The following CSNK1G1 variants were observed in gnomAD, a reference collection of about 807,000 sequenced individuals.
CSNK1G1 encodes the protein casein kinase 1 gamma 1.
A neutral mutation model predicts 59.6 loss-of-function variants in CSNK1G1; 22 were observed. The observed-to-expected ratio is 0.37, with a 90% confidence interval of 0.26 to 0.53. The LOEUF is 0.53. Among genes scored for constraint, CSNK1G1 ranks in the 20% least tolerant of loss-of-function variants. The pLI, the probability that CSNK1G1 is intolerant of heterozygous loss-of-function variation, is 0.89. For missense variants in CSNK1G1, 384 were observed against 519.5 expected (o/e 0.74, Z 2.54); for synonymous variants, 179 against 177.1 (o/e 1.01, Z -0.08).
chr15:64,207,679 C>T, intron 6 of CSNK1G1, 85 bp from the exon 7 acceptor site: 2 of 998,240 alleles, frequency 2.0e-6, no homozygotes, highest in Non-Finnish European at 1.6e-6. Context: ...TTCAGAAACC[C>T]TTCGGCTCTG....
chr15:64,302,629 T>C (rs141731413), intron 1 of CSNK1G1, among the ~76,000 whole-genome samples: 76 of 152,308 alleles, frequency 5.0e-4, no homozygotes, highest in Admixed American at 1.5e-3. Flanking sequence ...TCCTTGTCTT[T>C]TGCCTAAATC....
At chr15:64,298,679 C>A (rs183690367) in intron 2 of CSNK1G1, among the ~76,000 whole-genome samples, 1 of 152,246 alleles carries the variant, frequency 6.6e-6, no homozygotes, top group Admixed American at 6.5e-5. Context: ...TTCTCCAAGG[C>A]TCTCTATGGG....
At chr15:64,177,851 G>A (rs2081759391) in intron 11 of CSNK1G1, among the ~76,000 whole-genome samples, 1 of 152,156 alleles carries the variant, frequency 6.6e-6, no homozygotes, top group Non-Finnish European at 1.5e-5. Context: ...TTTGATTACT[G>A]CATTCAAAGT....
intron 4 of CSNK1G1, among the ~76,000 whole-genome samples, chr15:64,250,142 G>C (rs930844173): frequency 6.6e-6 from 1 of 152,126 alleles, no homozygotes; most frequent in Non-Finnish European, 1.5e-5. Context: ...ATGTAGTCCT[G>C]GGGCATGTGG....
chr15:64,220,410 T>C (rs1044538419), intron 4 of CSNK1G1, among the ~76,000 whole-genome samples: 2 of 151,994 alleles, frequency 1.3e-5, no homozygotes, highest in Non-Finnish European at 2.9e-5. Flanking sequence ...CTTCTAATTG[T>C]TGCAAATAGC....
intron 3 of CSNK1G1, among the ~76,000 whole-genome samples, chr15:64,257,545 G>A (rs1281462341): frequency 6.6e-6 from 1 of 151,962 alleles, no homozygotes. Context: ...TTGAGACAGG[G>A]TATCACTCTG....
chr15:64,325,428 T>A (rs755666720), intron 1 of CSNK1G1, among the ~76,000 whole-genome samples: 1 of 152,188 alleles, frequency 6.6e-6, no homozygotes, highest in Non-Finnish European at 1.5e-5. Flanking sequence ...AATGCACATA[T>A]CCTGATAGCT....
At chr15:64,322,283 T>C (rs1421190912) in intron 1 of CSNK1G1, among the ~76,000 whole-genome samples, 3 of 152,166 alleles carry the variant, frequency 2.0e-5, no homozygotes, top group African/African-American at 7.2e-5. Context: ...GTTAAACCTT[T>C]TTCCTTTGAA....
chr15:64,204,514 G>A lies in CSNK1G1; in HGVS notation c.926C>T (p.Thr309Ile), dbSNP rs2082151751. Residue 309 changes from threonine (T) to isoleucine (I), a missense_variant, in exon 9 of 12, where the codon ACC (threonine) becomes ATC (isoleucine). By Grantham distance (89) the Thr-to-Ile change is moderately conservative (BLOSUM62 -1). Coordinates refer to ENST00000303052, the MANE Select transcript of CSNK1G1 (RefSeq NM_022048.5). ...CTTTTCAAAGAGGTCTGTGAAGAGG[G>A]TCCGTAAATACTCATAATCAGGTTT... ...FEKPDYEYLR[T>I]LFTDLFEKKG... 1.2e-6 allele frequency: 2 copies of A among 1,613,616 alleles called. No homozygotes were observed. Among genetic ancestry groups the A allele is most frequent in the African/African-American group, 2.7e-5 (2 of 74,890 alleles).
At position 64,337,882 on chromosome 15, in the gene CSNK1G1, A is replaced by G. The variant is rs562260551; in HGVS notation, c.-225+18106T>C. On this transcript the variant is annotated intron_variant, in intron 1 of 11. Transcript: ENST00000303052. ...AATTTGTCTATCCTAGGTAGCTCAT[A>G]AGTGAAATCATGCAATATTTGTCCT... Among the ~76,000 whole-genome samples the G allele has an allele frequency of 2.6e-5, 4 of 152,306 alleles. No homozygotes were observed. The East Asian group carries it at 7.7e-4, about 29-fold the overall frequency.
intron 1 of CSNK1G1, among the ~76,000 whole-genome samples, chr15:64,311,162 C>T (rs757568155): frequency 5.9e-5 from 9 of 152,028 alleles, no homozygotes; most frequent in Non-Finnish European, 8.8e-5. Context: ...TCTCCTGCCT[C>T]AGCCTCCCAA....
At chr15:64,349,041 GC>G (rs1319525500) in intron 1 of CSNK1G1, among the ~76,000 whole-genome samples, 1 of 151,100 alleles carries the variant, frequency 6.6e-6, no homozygotes, top group Non-Finnish European at 1.5e-5. Flanking sequence ...GGAGTCTGAG[GC>G]AAGAGAATTG....
intron 2 of CSNK1G1, among the ~76,000 whole-genome samples, chr15:64,289,222 GA>G (rs145690055): frequency 0.057 from 8,657 of 151,670 alleles, 756 homozygotes; most frequent in African/African-American, 0.19. Context: ...GGCAAGCCTG[GA>G]AATTTTACCA....
chr15:64,319,731 A>G (rs563904937), intron 1 of CSNK1G1, among the ~76,000 whole-genome samples: 30 of 151,682 alleles, frequency 2.0e-4, no homozygotes, highest in African/African-American at 7.0e-4. Flanking sequence ...TGTGTGTTTT[A>G]GTAGAGACGA....
chr15:64,188,264 T>C lies in CSNK1G1; in HGVS notation c.1108-7810A>G, dbSNP rs2081924308. The C allele has an allele frequency of 7.1e-6, 5 of 699,494 alleles. No individual in the cohort carries two copies. Among genetic ancestry groups the C allele is most frequent in the Non-Finnish European group, 1.2e-5 (5 of 429,568 alleles). The allele number at this position is 699,494 out of a possible 1,614,324, so 43.3% of individuals were successfully genotyped here. A position where few individuals can be genotyped will look rare whatever the true frequency, so the allele number is the denominator to read the frequency against. ...CAGAAAATCTACAGAGATATTCAAT[T>C]AGCCCTTCCTGTAAGCTTCCTTTCT... On this transcript the variant is annotated intron_variant, in intron 10 of 11. Coordinates refer to ENST00000303052, the MANE Select transcript of CSNK1G1 (RefSeq NM_022048.5). This position sits in a 1 kb window ranked among gnomAD's most constrained non-coding sequence, Gnocchi z 4.2.
chr15:64,225,144 G>C (rs1200875730), intron 4 of CSNK1G1, among the ~76,000 whole-genome samples: 2 of 151,700 alleles, frequency 1.3e-5, no homozygotes, highest in African/African-American at 4.8e-5. Context: ...GAGTGGCTGG[G>C]ATTACAGGCA....
In CSNK1G1 at chr15:64,260,774, T is replaced by C. The variant is rs994372717; in HGVS notation, c.182-1533A>G. Among the ~76,000 whole-genome samples the C allele has an allele frequency of 5.9e-5, 9 of 152,020 alleles. No homozygotes were observed. The East Asian group carries it at 1.3e-3, about 23-fold the overall frequency. On this transcript the variant is annotated intron_variant, in intron 2 of 11. Transcript: ENST00000303052. ...AACAAACAAAAAAAGCTGCTTACAA[T>C]ACAAATTCTCATTTACAAACCTCTA...
chr15:64,300,151 C>T (rs1002175496), intron 2 of CSNK1G1, among the ~76,000 whole-genome samples, 168 bp downstream of exon 2: 2 of 152,156 alleles, frequency 1.3e-5, no homozygotes, highest in African/African-American at 4.8e-5. Context: ...CCTTGGATAA[C>T]AAATAATTGA....
At chr15:64,341,964 T>C (rs945107274) in intron 1 of CSNK1G1, among the ~76,000 whole-genome samples, 15 of 152,334 alleles carry the variant, frequency 9.8e-5, no homozygotes, top group Middle Eastern at 6.8e-3. Flanking sequence ...AAAAGCACTA[T>C]ACAAAAATTT....
Sources: allele counts gnomAD v4.1 joint callset (sites outside exome capture counted in the v4.1 genomes callset), GRCh38; gene constraint gnomAD v4.1.1; non-coding constraint Gnocchi (gnomAD v3.1); transcripts MANE v1.5; gene names NCBI Gene and HGNC (gene_info 2026-07-23, HGNC 2026-07-21).